The following RIC1 variants were observed in gnomAD, a reference collection of about 807,000 sequenced individuals.
RIC1 encodes guanine nucleotide exchange factor subunit RIC1.
RIC1 carries 88 observed loss-of-function variants against 169.0 expected under a neutral mutation model. The observed-to-expected ratio is 0.52, with a 90% confidence interval of 0.44 to 0.62. The LOEUF is 0.62. Ranked by LOEUF, RIC1 falls within the 20% of genes least tolerant of loss-of-function variation. The pLI is 0.00. For synonymous variants in RIC1, 790 were observed against 601.5 expected (o/e 1.31, Z -4.59); for missense variants, 1,877 against 1,725.5 (o/e 1.09, Z -1.56).
At position 5,774,731 on chromosome 9, in the gene RIC1, ATT is replaced by A. The variant is rs1827484924; in HGVS notation, c.*486_*487del. 1 of 152,704 alleles carries A rather than the reference ATT, an allele frequency of 6.5e-6. No homozygotes were observed. Among genetic ancestry groups the A allele is most frequent in the African/African-American group, 2.4e-5 (1 of 41,430 alleles). 9.5% of individuals were successfully genotyped at this position (152,704 alleles called of 1,614,324 possible). The stretch of plus-strand genomic sequence containing the variant: ...CTCTTTAATCAGTCCTCCTGAATAG[ATT>A]GCTACCCTGGGGCACAATATGTGCC... On this transcript the variant is annotated 3_prime_UTR_variant, in exon 26 of 26. Transcript: ENST00000414202.
intron 2 of RIC1, among the ~76,000 whole-genome samples, chr9:5,670,818 A>G (rs529523202): frequency 3.0e-4 from 45 of 152,290 alleles, no homozygotes; most frequent in African/African-American, 9.4e-4. Flanking sequence ...AGTCTTCCCC[A>G]ATATTTGGAG....
chr9:5,673,594 A>G (rs1820257196), intron 2 of RIC1, among the ~76,000 whole-genome samples: 1 of 146,712 alleles, frequency 6.8e-6, no homozygotes, highest in Non-Finnish European at 1.5e-5. Context: ...TGTAGTTGCC[A>G]AAGGTCCATC....
chr9:5,712,368 G>A (rs1202306405), intron 3 of RIC1, among the ~76,000 whole-genome samples: 1 of 152,164 alleles, frequency 6.6e-6, no homozygotes, highest in Non-Finnish European at 1.5e-5. Flanking sequence ...AAGAGCTTCT[G>A]CGCAGCAAAA....
At chr9:5,648,199 G>A (rs1818627299) in intron 1 of RIC1, among the ~76,000 whole-genome samples, 1 of 152,254 alleles carries the variant, frequency 6.6e-6, no homozygotes, top group Admixed American at 6.5e-5. Context: ...GTTCAGACTG[G>A]TCTCGAGCTC....
chr9:5,727,228 T>G (rs1381140263), intron 6 of RIC1, among the ~76,000 whole-genome samples: 4 of 152,180 alleles, frequency 2.6e-5, no homozygotes, highest in African/African-American at 9.7e-5. Context: ...CACAGTCCCA[T>G]TTTTCTGGGA....
intron 6 of RIC1, among the ~76,000 whole-genome samples, chr9:5,731,653 A>G (rs951123921): frequency 2.6e-5 from 4 of 152,176 alleles, no homozygotes; most frequent in Admixed American, 1.3e-4. Context: ...TCTATTCTCT[A>G]TATATGGAGA....
chr9:5,709,186 T>C (rs899871067), intron 3 of RIC1, among the ~76,000 whole-genome samples: 1 of 152,114 alleles, frequency 6.6e-6, no homozygotes, highest in African/African-American at 2.4e-5. Flanking sequence ...CCAAAGTAAA[T>C]CATGTGGCCA....
intron 14 of RIC1, 90 bp from the exon 15 acceptor site, chr9:5,754,751 T>C: frequency 1.3e-6 from 1 of 756,714 alleles, no homozygotes; most frequent in Non-Finnish European, 2.1e-6. Flanking sequence ...TAATTTGAGC[T>C]TTGTCTGGGT....
intron 6 of RIC1, among the ~76,000 whole-genome samples, chr9:5,722,132 C>T (rs1370132695): frequency 6.6e-6 from 1 of 151,950 alleles, no homozygotes; most frequent in African/African-American, 2.4e-5. Context: ...AGGTGATCCA[C>T]CCACCTCAGC....
At chr9:5,727,220 CAG>C (rs1824050694) in intron 6 of RIC1, among the ~76,000 whole-genome samples, 1 of 152,196 alleles carries the variant, frequency 6.6e-6, no homozygotes, top group African/African-American at 2.4e-5. Context: ...TCTTTTCACA[CAG>C]TCCCATTTTT....
intron 19 of RIC1, 130 bp from the exon 20 acceptor site, chr9:5,765,284 C>G (rs774582422): frequency 1.1e-4 from 101 of 924,070 alleles, no homozygotes; most frequent in Non-Finnish European, 1.5e-4. Context: ...ACTTTTTAAT[C>G]TTATTATTAA....
intron 17 of RIC1, among the ~76,000 whole-genome samples, chr9:5,761,748 T>G (rs953582425): frequency 6.6e-6 from 1 of 152,300 alleles, no homozygotes; most frequent in African/African-American, 2.4e-5. Context: ...TGACTTGATA[T>G]CTGAGGTTCC....
At chr9:5,647,826 C>T (rs564357820) in intron 1 of RIC1, among the ~76,000 whole-genome samples, 1 of 151,862 alleles carries the variant, frequency 6.6e-6, no homozygotes, top group South Asian at 2.1e-4. Context: ...TAATTCTGAC[C>T]TTTGAGGAAA....
chr9:5,668,525 G>C (rs1388653475), intron 2 of RIC1, among the ~76,000 whole-genome samples: 1 of 152,020 alleles, frequency 6.6e-6, no homozygotes, highest in African/African-American at 2.4e-5. Flanking sequence ...TATGTATGTT[G>C]TTGTGATTAA....
At chr9:5,668,065 G>A (rs1217598064) in intron 2 of RIC1, among the ~76,000 whole-genome samples, 2 of 152,138 alleles carry the variant, frequency 1.3e-5, no homozygotes, top group Admixed American at 6.6e-5. Flanking sequence ...GGCAGCAGGG[G>A]AAACAAACAT....
chr9:5,667,557 T>G (rs114682198), intron 2 of RIC1, among the ~76,000 whole-genome samples: 3,216 of 150,252 alleles, frequency 0.021, 128 homozygotes, highest in African/African-American at 0.075. Flanking sequence ...CAGGCTGAAA[T>G]GCAGTGGCAT....
intron 25 of RIC1, 79 bp from the exon 26 acceptor site, chr9:5,773,879 C>T: frequency 7.7e-7 from 1 of 1,297,810 alleles, no homozygotes; most frequent in Non-Finnish European, 1.1e-6. Context: ...TATCAATGTT[C>T]AGTAGAAGTT....
At chr9:5,743,853 C>A (rs1825221877) in intron 10 of RIC1, 116 bp downstream of exon 10, 2 of 748,018 alleles carry the variant, frequency 2.7e-6, no homozygotes, top group East Asian at 5.2e-5. Context: ...CACTGTCACC[C>A]AGGTTGGAGA....
At chr9:5,694,926 A>C (rs1395887130) in intron 3 of RIC1, among the ~76,000 whole-genome samples, 2 of 152,148 alleles carry the variant, frequency 1.3e-5, no homozygotes, top group African/African-American at 4.8e-5. Context: ...AGCTCTAGGC[A>C]CTGTTGTAGA....
Sources: gnomAD v4.1 joint callset for allele counts (sites outside exome capture counted in the v4.1 genomes callset) on GRCh38, gnomAD v4.1.1 for gene constraint, MANE v1.5 for transcripts, NCBI Gene and HGNC (gene_info 2026-07-23, HGNC 2026-07-21) for gene names.